TSC22D4: variants seen among roughly 807,000 people sequenced by gnomAD.
The protein encoded by TSC22D4 is TSC22 domain family protein 4.
Under a neutral mutation model 24.9 loss-of-function variants are expected in TSC22D4, and 5 were observed. The observed-to-expected ratio is 0.20, with a 90% confidence interval of 0.10 to 0.42. TSC22D4 has a LOEUF of 0.42. Among genes scored for constraint, TSC22D4 ranks in the 10% least tolerant of loss-of-function variants. The pLI, the probability that TSC22D4 is intolerant of heterozygous loss-of-function variation, is 1.00. For missense variants in TSC22D4, 469 were observed against 547.9 expected, an observed-to-expected ratio of 0.86 and a Z score of 1.44; for synonymous variants, 245 against 243.2, an observed-to-expected ratio of 1.01 and a Z score of -0.07.
Position 100,466,918 on chromosome 7 carries a change from G to A in TSC22D4, c.*41C>T, listed in dbSNP as rs1389198380. On this transcript the variant is annotated 3_prime_UTR_variant, in exon 5 of 5. Transcript: ENST00000300181. ...AAGAGGGGGCAGGCGGCTGACGCAA[G>A]GCCGGGCAGCCCCAAAGGCACATTG... 2 of 1,486,014 alleles carry A rather than the reference G, an allele frequency of 1.3e-6. No homozygotes were observed. Among genetic ancestry groups the A allele is most frequent in the Admixed American group, 2.3e-5 (1 of 43,664 alleles). 92.1% of individuals were successfully genotyped at this position (1,486,014 alleles called of 1,614,324 possible).
rs924419810 is a variant in TSC22D4, at chr7:100,474,404, G to A, written c.799C>T (p.Leu267Phe). The change falls in exon 3 of 5, where the codon CTC becomes TTC. Residue 267 changes from leucine (L) to phenylalanine (F), a missense_variant. Leu to Phe is a conservative substitution (Grantham distance 22, BLOSUM62 0). Transcript: ENST00000300181. The surrounding 1 kb of genome is among the most constrained non-coding windows in gnomAD (Gnocchi z 4.3). ...AGGCTGGCATCGTGGGTGAAGTAGAGGGCTGGGGAGCTGGGGCGAGAGTCA... is the reference window on the plus strand; with the variant it reads ...AGGCTGGCATCGTGGGTGAAGTAGAAGGCTGGGGAGCTGGGGCGAGAGTCA... Reference protein sequence around the residue: ...PLDSRPSSPALYFTHDASLVH... With the variant: ...PLDSRPSSPAFYFTHDASLVH... 6.2e-7 allele frequency: 1 copy of A among 1,614,132 alleles called. No homozygotes were observed. The highest frequency in any genetic ancestry group is 1.3e-5 in the African/African-American group (1 of 75,030).
At chr7:100,467,248 A>G (rs774754061) in intron 4 of TSC22D4, 80 bp from the exon 5 acceptor site, 2 of 1,432,198 alleles carry the variant, frequency 1.4e-6, no homozygotes, top group East Asian at 2.3e-5. Context: ...CTGGGGTGGG[A>G]GACAGTCCCC....
At position 100,477,916 on chromosome 7, in the gene TSC22D4, G is replaced by A; in HGVS notation, c.123C>T (p.Pro41=). Residue 41 remains proline, a synonymous_variant, in exon 2 of 5, where the codon CCC becomes CCT. Transcript: ENST00000300181. This position sits in a 1 kb window ranked among gnomAD's most constrained non-coding sequence, Gnocchi z 7.8. Reference sequence around the variant, plus strand: ...GGCTGGGCTCCCCATTGGGCAGGCGGGGCGGGGGCCCGGTTGGGGGCTGTG... The same window carrying A: ...GGCTGGGCTCCCCATTGGGCAGGCGAGGCGGGGGCCCGGTTGGGGGCTGTG... ...PTPQPPTGPP[P]RLPNGEPSPD... 1 of 1,556,468 alleles carries A rather than the reference G, an allele frequency of 6.4e-7. No homozygotes were observed. The highest frequency in any genetic ancestry group is 8.7e-7 in the Non-Finnish European group (1 of 1,150,984).
intron 1 of TSC22D4, 81 bp from the exon 2 acceptor site, chr7:100,478,388 T>C (rs1010822657): frequency 6.3e-4 from 163 of 260,012 alleles, no homozygotes; most frequent in Admixed American, 1.3e-3. Context: ...TGTGTGTGTG[T>C]GTGTGTGTGT....
chr7:100,474,384 G>A lies in TSC22D4; in HGVS notation c.819C>T (p.Ala273=). Residue 273 remains alanine, a synonymous_variant, in exon 3 of 5, where the codon GCC becomes GCT. Coordinates refer to ENST00000300181, the MANE Select transcript of TSC22D4 (RefSeq NM_030935.5). The surrounding 1 kb of genome is among the most constrained non-coding windows in gnomAD (Gnocchi z 4.3). ...SSPALYFTHD[A]SLVHKSPDPF... is the part of the protein sequence containing the mutation. ...GGTCTGGAGATTTGTGAACCAGGCTGGCATCGTGGGTGAAGTAGAGGGCTG... is the reference window on the plus strand; with the variant it reads ...GGTCTGGAGATTTGTGAACCAGGCTAGCATCGTGGGTGAAGTAGAGGGCTG... The A allele has an allele frequency of 6.2e-7, 1 of 1,614,122 alleles. No individual in the cohort carries two copies. The highest frequency in any genetic ancestry group is 8.5e-7 in the Non-Finnish European group (1 of 1,180,026).
rs1799509836 is a variant in TSC22D4 at position 100,477,037 on chromosome 7, A to G, written c.762+240T>C. 6.6e-6 allele frequency among the ~76,000 whole-genome samples: 1 copy of G among 152,148 alleles called. No homozygotes were observed. Among genetic ancestry groups the G allele is most frequent in the Non-Finnish European group, 1.5e-5 (1 of 68,014 alleles). On this transcript the variant is annotated intron_variant, in intron 2 of 4. Coordinates refer to ENST00000300181, the MANE Select transcript of TSC22D4 (RefSeq NM_030935.5). This position sits in a 1 kb window ranked among gnomAD's most constrained non-coding sequence, Gnocchi z 7.8. Reference sequence around the variant, plus strand: ...TGCTACAGGCTACATGAAGACCAAGACAGAGAATCAGAGGCCAGGGAGAAA... The same window carrying G: ...TGCTACAGGCTACATGAAGACCAAGGCAGAGAATCAGAGGCCAGGGAGAAA...
At chr7:100,475,633 G>A (rs907129121) in intron 2 of TSC22D4, among the ~76,000 whole-genome samples, 3 of 151,890 alleles carry the variant, frequency 2.0e-5, no homozygotes, top group Non-Finnish European at 4.4e-5. Context: ...CAAACTTCTC[G>A]GACTCAGGTG....
intron 3 of TSC22D4, among the ~76,000 whole-genome samples, chr7:100,473,351 C>T (rs1359212684): frequency 1.3e-5 from 2 of 152,124 alleles, no homozygotes; most frequent in African/African-American, 4.8e-5. Flanking sequence ...TCACGCTCCA[C>T]AGGTGCTGTT....
rs1463665996 is a variant in TSC22D4, at chr7:100,477,129, G to C, written c.762+148C>G. ...AATGAAGTAGGAGGAAGGGGCTTCA[G>C]AGTGACCTGGCAGGCACAGAGAAGA... is the stretch of plus-strand genomic sequence containing the variant. On this transcript the variant is annotated intron_variant, in intron 2 of 4. Coordinates refer to ENST00000300181, the MANE Select transcript of TSC22D4 (RefSeq NM_030935.5). The surrounding 1 kb of genome is among the most constrained non-coding windows in gnomAD (Gnocchi z 7.8). The C allele has an allele frequency of 9.3e-6, 6 of 646,694 alleles. No homozygotes were observed. The Admixed American group carries it at 1.8e-4, about 19-fold the overall frequency. 40.1% of individuals were successfully genotyped at this position (646,694 alleles called of 1,614,324 possible).
At chr7:100,467,623 G>A in intron 3 of TSC22D4, 23 bp from the exon 4 acceptor site, 1 of 1,613,612 alleles carries the variant, frequency 6.2e-7, no homozygotes, top group South Asian at 1.1e-5. Flanking sequence ...AGGAAGGTGA[G>A]GGGAGGAGAG....
intron 2 of TSC22D4, among the ~76,000 whole-genome samples, chr7:100,476,842 G>A (rs974602963): frequency 2.0e-5 from 3 of 152,210 alleles, no homozygotes; most frequent in African/African-American, 7.2e-5. Flanking sequence ...CTGCAGTGCA[G>A]AGACTGGCAG....
intron 3 of TSC22D4, among the ~76,000 whole-genome samples, chr7:100,471,949 C>T (rs1307073062): frequency 2.6e-5 from 4 of 151,960 alleles, no homozygotes; most frequent in African/African-American, 4.8e-5. Context: ...TCCCCCAGGC[C>T]GGTCACTGCC....
In TSC22D4 at chr7:100,474,025, CAGACTCTAAA is replaced by C; in HGVS notation, c.929+239_929+248del. ...GGAATCTGACAACAATGACTCCCTT[CAGACTCTAAA>C]AAAGTCTGTGACCTGACAGTTCTGA... On this transcript the variant is annotated intron_variant, in intron 3 of 4. Coordinates refer to ENST00000300181, the MANE Select transcript of TSC22D4 (RefSeq NM_030935.5). The surrounding 1 kb of genome is among the most constrained non-coding windows in gnomAD (Gnocchi z 4.3). The C allele has an allele frequency of 2.1e-6, 1 of 471,842 alleles. No homozygotes were observed. The highest frequency in any genetic ancestry group is 3.9e-6 in the Non-Finnish European group (1 of 257,906). The allele number at this position is 471,842 out of a possible 1,614,324, so 29.2% of individuals were successfully genotyped here. A position where few individuals can be genotyped will look rare whatever the true frequency, so the allele number is the denominator to read the frequency against.
intron 3 of TSC22D4, among the ~76,000 whole-genome samples, chr7:100,468,928 T>C (rs1349605956): frequency 1.7e-5 from 2 of 119,506 alleles, no homozygotes; most frequent in African/African-American, 3.3e-5. Context: ...CAGAGTGAGA[T>C]CTTGTCTCAA....
intron 2 of TSC22D4, among the ~76,000 whole-genome samples, chr7:100,475,617 C>T (rs1799480530): frequency 6.6e-6 from 1 of 152,180 alleles, no homozygotes; most frequent in Non-Finnish European, 1.5e-5. Flanking sequence ...CTCTCGCTTC[C>T]CCTCTCAAAC....
At chr7:100,476,054 T>TGA (rs1282973635) in intron 2 of TSC22D4, among the ~76,000 whole-genome samples, 1 of 150,748 alleles carries the variant, frequency 6.6e-6, no homozygotes, top group Non-Finnish European at 1.5e-5. Flanking sequence ...TAGGGGGCAC[T>TGA]GAGAGAGAGA....
chr7:100,470,594 C>G (rs558238709), intron 3 of TSC22D4, among the ~76,000 whole-genome samples: 1 of 152,324 alleles, frequency 6.6e-6, no homozygotes, highest in East Asian at 1.9e-4. Flanking sequence ...GTGTGAGTCA[C>G]TGTGCCAGGC....
Position 100,477,213 on chromosome 7 carries a change from G to T in TSC22D4, c.762+64C>A. ...AGGAGGAGAGGGGGGGGAGGAGGAG[G>T]AAGGAGGCTCAAGATAGAGGTTAGG... On this transcript the variant is annotated intron_variant, in intron 2 of 4. Coordinates refer to ENST00000300181, the MANE Select transcript of TSC22D4 (RefSeq NM_030935.5). The surrounding 1 kb of genome is among the most constrained non-coding windows in gnomAD (Gnocchi z 7.8). 3.9e-6 allele frequency: 5 copies of T among 1,279,730 alleles called. No homozygotes were observed. The highest frequency in any genetic ancestry group is 5.1e-6 in the Non-Finnish European group (5 of 973,522). The allele number at this position is 1,279,730 out of a possible 1,614,324, so 79.3% of individuals were successfully genotyped here.
At chr7:100,467,715 G>C (rs1799312029) in intron 3 of TSC22D4, 115 bp from the exon 4 acceptor site, 1 of 1,085,518 alleles carries the variant, frequency 9.2e-7, no homozygotes, top group Non-Finnish European at 1.4e-6. Context: ...AGAGAATGAG[G>C]GAGAGGAGGG....
Sources: allele counts gnomAD v4.1 joint callset (sites outside exome capture counted in the v4.1 genomes callset), GRCh38; gene constraint gnomAD v4.1.1; non-coding constraint Gnocchi (gnomAD v3.1); transcripts MANE v1.5; gene names NCBI Gene and HGNC (gene_info 2026-07-23, HGNC 2026-07-21).